OPCML: variants seen among roughly 807,000 people sequenced by gnomAD.
OPCML encodes the protein opioid-binding protein/cell adhesion molecule.
Under a neutral mutation model 37.8 loss-of-function variants are expected in OPCML, and 13 were observed. The ratio of observed to expected loss-of-function variants is 0.34; its 90% CI spans 0.22 to 0.55. The LOEUF is 0.55. Ranked by LOEUF, OPCML falls within the 20% of genes least tolerant of loss-of-function variation. The probability of loss-of-function intolerance (pLI) is 0.91; values close to 1 mark genes in which losing one functional copy is unlikely to be tolerated. For missense variants in OPCML, 341 were observed against 435.6 expected (o/e 0.78, Z 1.93); for synonymous variants, 176 against 168.8 (o/e 1.04, Z -0.33).
chr11:133,339,358 C>A (rs1029228393), intron 1 of OPCML, among the ~76,000 whole-genome samples: 11 of 152,308 alleles, frequency 7.2e-5, no homozygotes, highest in African/African-American at 2.4e-4. Context: ...GGTCACACAG[C>A]TAGTGAGTGT....
intron 3 of OPCML, among the ~76,000 whole-genome samples, chr11:132,563,921 A>G (rs2096416334): frequency 6.6e-6 from 1 of 152,140 alleles, no homozygotes; most frequent in South Asian, 2.1e-4. Context: ...TTTTGCCCCA[A>G]AATGCTGTTG....
At chr11:133,337,464 C>T (rs1416714866) in intron 1 of OPCML, among the ~76,000 whole-genome samples, 1 of 152,208 alleles carries the variant, frequency 6.6e-6, no homozygotes, top group Non-Finnish European at 1.5e-5. Flanking sequence ...GGGCCAGTAA[C>T]AACAGAGACT....
chr11:133,226,411 C>T (rs1228176356), intron 1 of OPCML, among the ~76,000 whole-genome samples: 3 of 152,194 alleles, frequency 2.0e-5, no homozygotes, highest in Non-Finnish European at 4.4e-5. Flanking sequence ...CAGTCAAATG[C>T]TGATGGTTGT....
intron 1 of OPCML, among the ~76,000 whole-genome samples, chr11:133,396,463 G>A (rs1470527807): frequency 6.6e-6 from 1 of 151,988 alleles, no homozygotes; most frequent in Non-Finnish European, 1.5e-5. Flanking sequence ...TCCTGGCTAA[G>A]GGACACGATT....
chr11:132,680,939 G>C (rs568563227), intron 2 of OPCML, among the ~76,000 whole-genome samples: 2 of 152,200 alleles, frequency 1.3e-5, no homozygotes, highest in Non-Finnish European at 1.5e-5. Context: ...GGCAAGCATC[G>C]CGCAGCGTGG....
At chr11:133,035,811 A>G (rs1320880548) in intron 1 of OPCML, among the ~76,000 whole-genome samples, 1 of 152,182 alleles carries the variant, frequency 6.6e-6, no homozygotes, top group Non-Finnish European at 1.5e-5. Context: ...ATAAATGAGT[A>G]TGCCCATTCT....
intron 1 of OPCML, among the ~76,000 whole-genome samples, chr11:133,034,229 T>C (rs574700690): frequency 1.7e-3 from 258 of 152,028 alleles, no homozygotes; most frequent in Admixed American, 5.2e-3. Flanking sequence ...TATGGGGCAG[T>C]AGATCCCAAC....
At chr11:133,413,915 A>G (rs1945704724) in intron 1 of OPCML, among the ~76,000 whole-genome samples, 1 of 152,184 alleles carries the variant, frequency 6.6e-6, no homozygotes, top group African/African-American at 2.4e-5. Context: ...GACCCAGCAC[A>G]GGAGCACTGC....
chr11:133,252,058 A>C lies in OPCML; in HGVS notation c.61+280206T>G, dbSNP rs137890024. Among the ~76,000 whole-genome samples the C allele has an allele frequency of 1.4e-3, 215 of 152,316 alleles. 5 individuals carry two copies. Among genetic ancestry groups the C allele is most frequent in the Middle Eastern group, 0.01 (3 of 294 alleles). On this transcript the variant is annotated intron_variant, in intron 1 of 7. Transcript: ENST00000524381. The stretch of plus-strand genomic sequence containing the variant: ...TGCAGCCTCAGGCACGGATATTTCC[A>C]GAGGGATACCAAAAAAAGGCTACCC...
intron 4 of OPCML, among the ~76,000 whole-genome samples, chr11:132,445,488 G>A (rs1288152722): frequency 6.6e-6 from 1 of 152,164 alleles, no homozygotes; most frequent in Non-Finnish European, 1.5e-5. Context: ...GTTTTGTCTT[G>A]TAGGTGGAGG....
At chr11:132,631,230 G>C (rs1260190258) in intron 3 of OPCML, among the ~76,000 whole-genome samples, 7 of 151,488 alleles carry the variant, frequency 4.6e-5, no homozygotes, top group African/African-American at 1.7e-4. Context: ...TTTGAAGGCA[G>C]TTATTGAGTA....
intron 1 of OPCML, among the ~76,000 whole-genome samples, chr11:133,483,814 T>TAGATAGATAGAC (rs1947450115): frequency 6.8e-6 from 1 of 147,554 alleles, no homozygotes; most frequent in Non-Finnish European, 1.5e-5. Context: ...GATAGATAGA[T>TAGATAGATAGAC]AGATAGATAG....
chr11:133,404,558 C>A (rs1337687388), intron 1 of OPCML, among the ~76,000 whole-genome samples: 4 of 152,196 alleles, frequency 2.6e-5, no homozygotes, highest in Admixed American at 2.6e-4. Flanking sequence ...GATAAAGCAA[C>A]TTTCCCAAGG....
chr11:132,903,025 T>C (rs1944116523), intron 2 of OPCML, among the ~76,000 whole-genome samples: 1 of 152,202 alleles, frequency 6.6e-6, no homozygotes, highest in Admixed American at 6.5e-5. Flanking sequence ...GCTCATTCAT[T>C]TCCCCTGAAA....
chr11:132,490,736 G>T (rs1011142103), intron 4 of OPCML, among the ~76,000 whole-genome samples: 1 of 151,318 alleles, frequency 6.6e-6, no homozygotes, highest in South Asian at 2.1e-4. Flanking sequence ...GGAGGATGGC[G>T]TGAACCAGAG....
At chr11:133,182,596 A>G (rs1189551030) in intron 1 of OPCML, among the ~76,000 whole-genome samples, 1 of 152,170 alleles carries the variant, frequency 6.6e-6, no homozygotes, top group Admixed American at 6.5e-5. Context: ...AATGTCCAGG[A>G]AAAAATGCCA....
chr11:132,688,340 G>A (rs578142564), intron 2 of OPCML, among the ~76,000 whole-genome samples: 1 of 152,148 alleles, frequency 6.6e-6, no homozygotes, highest in African/African-American at 2.4e-5. Flanking sequence ...TGACAAACAT[G>A]AGGAGAAACA....
chr11:132,797,364 C>T (rs1476764428), intron 2 of OPCML, among the ~76,000 whole-genome samples: 1 of 152,168 alleles, frequency 6.6e-6, no homozygotes, highest in Non-Finnish European at 1.5e-5. Context: ...AAAGACAATT[C>T]CTTCTCCAAT....
intron 3 of OPCML, among the ~76,000 whole-genome samples, chr11:132,546,309 G>A (rs1367430169): frequency 1.3e-5 from 2 of 152,084 alleles, no homozygotes; most frequent in East Asian, 1.9e-4. Flanking sequence ...ATAGGTTTTG[G>A]GGGGGAACAG....
Sources: gnomAD v4.1 joint callset for allele counts (sites outside exome capture counted in the v4.1 genomes callset) on GRCh38, gnomAD v4.1.1 for gene constraint, MANE v1.5 for transcripts, NCBI Gene and HGNC (gene_info 2026-07-23, HGNC 2026-07-21) for gene names.